Variants in PIEZO2 observed in about 807,000 individuals in gnomAD.
The protein encoded by PIEZO2 is piezo-type mechanosensitive ion channel component 2.
Under a neutral mutation model 337.3 loss-of-function variants are expected in PIEZO2, and 172 were observed. The observed-to-expected ratio is 0.51, with a 90% CI of 0.45 to 0.58. PIEZO2 has a LOEUF of 0.58. PIEZO2 is among the 20% of genes least tolerant of loss of function. PIEZO2 has a pLI of 0.00. For missense variants in PIEZO2, 3,028 were observed against 3,391.3 expected (o/e 0.89, Z 2.66); for synonymous variants, 1,251 against 1,228.5 (o/e 1.02, Z -0.38).
intron 2 of PIEZO2, among the ~76,000 whole-genome samples, chr18:10,997,746 A>C (rs192727171): frequency 2.0e-5 from 3 of 152,174 alleles, no homozygotes; most frequent in Non-Finnish European, 4.4e-5. Context: ...AAAAGATTGA[A>C]AAAAGTTAAT....
chr18:10,725,161 G>T, intron 36 of PIEZO2: 2 of 1,482,238 alleles, frequency 1.3e-6, no homozygotes, highest in Non-Finnish European at 9.4e-7. Flanking sequence ...GTACTGCGAG[G>T]CCTCTGGACA....
chr18:10,987,419 T>C (rs184416752), intron 2 of PIEZO2, among the ~76,000 whole-genome samples: 106 of 152,234 alleles, frequency 7.0e-4, no homozygotes, highest in African/African-American at 2.5e-3. Flanking sequence ...TGTATAGCCA[T>C]CTCATTTTTG....
rs1199958285 is a variant in PIEZO2 at position 11,143,633 on chromosome 18, ACACACACTCTCTCTCTCT to A, written c.64+4874_64+4891del. On this transcript the variant is annotated intron_variant, in intron 1 of 55. Transcript: ENST00000674853. The surrounding 1 kb of genome is among the most constrained non-coding windows in gnomAD (Gnocchi z 4.9). ...CACACACACACACACACACACACAC[ACACACACTCTCTCTCTCT>A]CTCTCTCTCTCTCTCTCTCTCACTC... Among the ~76,000 whole-genome samples, 483 of 68,948 alleles carry A rather than the reference ACACACACTCTCTCTCTCT, an allele frequency of 7.0e-3. 3 individuals are homozygous for A. The highest frequency in any genetic ancestry group is 0.033 in the African/African-American group (415 of 12,408). The allele number at this position is 68,948 out of a possible 152,430, so 45.2% of individuals were successfully genotyped here. A position where few individuals can be genotyped will look rare whatever the true frequency, so the allele number is the denominator to read the frequency against.
chr18:11,090,840 G>A (rs980013324), intron 1 of PIEZO2, among the ~76,000 whole-genome samples: 3 of 150,168 alleles, frequency 2.0e-5, no homozygotes, highest in East Asian at 1.9e-4. Context: ...GTGAACCCGG[G>A]GGGGCAAAGC....
chr18:10,881,132 G>C (rs2042408535), intron 4 of PIEZO2, among the ~76,000 whole-genome samples: 1 of 151,452 alleles, frequency 6.6e-6, no homozygotes, highest in East Asian at 1.9e-4. Flanking sequence ...GTGAAATTAG[G>C]TACCTTTTTT....
At chr18:10,758,341 A>C (rs1024909808) in intron 26 of PIEZO2, among the ~76,000 whole-genome samples, 2 of 143,558 alleles carry the variant, frequency 1.4e-5, no homozygotes, top group Non-Finnish European at 3.2e-5. Context: ...GACCACAGAC[A>C]CTCCAGGAGC....
chr18:10,691,934 T>C (rs1336349041), intron 47 of PIEZO2, among the ~76,000 whole-genome samples: 1 of 151,730 alleles, frequency 6.6e-6, no homozygotes, highest in Non-Finnish European at 1.5e-5. Context: ...CTGGATTTGG[T>C]TCCAGTTCTG....
At position 10,969,046 on chromosome 18, in the gene PIEZO2, G is replaced by A. The variant is rs1335340841; in HGVS notation, c.286+10489C>T. ...TTTTGTAAGTCTGAAAAATAACTAA[G>A]CTTATGTCATACAAATAATATTTTC... On this transcript the variant is annotated intron_variant, in intron 3 of 55. Coordinates refer to ENST00000674853, the MANE Select transcript of PIEZO2 (RefSeq NM_001378183.1). The surrounding 1 kb of genome is among the most constrained non-coding windows in gnomAD (Gnocchi z 4.5). 1.3e-5 allele frequency among the ~76,000 whole-genome samples: 2 copies of A among 152,056 alleles called. No homozygotes were observed. The highest frequency in any genetic ancestry group is 2.9e-5 in the Non-Finnish European group (2 of 68,008).
At chr18:11,045,174 G>A (rs772246298) in intron 2 of PIEZO2, among the ~76,000 whole-genome samples, 18 of 151,462 alleles carry the variant, frequency 1.2e-4, no homozygotes, top group Non-Finnish European at 2.4e-4. Context: ...GCAGGCGACT[G>A]TAGTCTCAGC....
chr18:10,803,904 C>G lies in PIEZO2; in HGVS notation c.1171G>C (p.Ala391Pro), dbSNP rs749474073. Residue 391 changes from alanine to proline, a missense_variant, in exon 9 of 56, where the codon GCA becomes CCA. Around this residue, in one of 5 missense-constraint regions of PIEZO2, gnomAD observed 542 missense variants for 605.6 expected, o/e 0.89. Transcript: ENST00000674853. ...CTCTCATCAGTGGGGTAATGGGTTG[C>G]GTACCACAGGCTCCGCCTCCTCCCC... is the stretch of plus-strand genomic sequence containing the variant. ...TAGRRRSLWYATHYPTDERKL... is the reference protein window; with the variant it reads ...TAGRRRSLWYPTHYPTDERKL... 11 of 1,537,290 alleles carry G rather than the reference C, an allele frequency of 7.2e-6. No homozygotes were observed. Among genetic ancestry groups the G allele is most frequent in the African/African-American group, 1.4e-5 (1 of 73,182 alleles).
At chr18:10,961,073 C>T (rs554066067) in intron 3 of PIEZO2, among the ~76,000 whole-genome samples, 301 of 151,382 alleles carry the variant, frequency 2.0e-3, no homozygotes, top group Non-Finnish European at 3.1e-3. Context: ...CCCAGCTACT[C>T]GGGAGGCTGA....
At chr18:10,804,247 T>G (rs1187385613) in intron 8 of PIEZO2, among the ~76,000 whole-genome samples, 1 of 152,272 alleles carries the variant, frequency 6.6e-6, no homozygotes. Flanking sequence ...CATTGTTAAA[T>G]ATCCACAGCT....
chr18:10,687,116 T>C (rs992756508), intron 49 of PIEZO2, among the ~76,000 whole-genome samples: 4 of 152,168 alleles, frequency 2.6e-5, no homozygotes, highest in Admixed American at 2.6e-4. Flanking sequence ...GTGTCACCAT[T>C]TTATTTTTCT....
At chr18:10,951,333 T>G (rs985338067) in intron 3 of PIEZO2, among the ~76,000 whole-genome samples, 1 of 152,230 alleles carries the variant, frequency 6.6e-6, no homozygotes, top group Non-Finnish European at 1.5e-5. Flanking sequence ...CGAATTGCAA[T>G]TCTTGTATCC....
chr18:10,845,324 T>C (rs1324558878), intron 7 of PIEZO2, among the ~76,000 whole-genome samples: 1 of 152,110 alleles, frequency 6.6e-6, no homozygotes, highest in Non-Finnish European at 1.5e-5. Context: ...AGACAGGATT[T>C]ATTTTTTTGT....
rs1386371075 is a variant in PIEZO2 at position 10,783,821 on chromosome 18, T to G, written c.2492+963A>C. On this transcript the variant is annotated intron_variant, in intron 17 of 55. Transcript: ENST00000674853. This position sits in a 1 kb window ranked among gnomAD's most constrained non-coding sequence, Gnocchi z 4.3. ...TTATAAAATGTTTCTCATCATTAAA[T>G]AAATGTTTTGGGTCTATCCATAACT... Among the ~76,000 whole-genome samples the G allele has an allele frequency of 1.3e-5, 2 of 152,212 alleles. No individual in the cohort carries two copies. Among genetic ancestry groups the G allele is most frequent in the African/African-American group, 4.8e-5 (2 of 41,458 alleles).
intron 3 of PIEZO2, among the ~76,000 whole-genome samples, chr18:10,972,397 C>T (rs1451120453): frequency 6.6e-6 from 1 of 151,910 alleles, no homozygotes; most frequent in Admixed American, 6.6e-5. Flanking sequence ...AGGTAGGTGC[C>T]GGAATGAGAA....
chr18:10,692,391 T>C (rs1370786949), intron 47 of PIEZO2, among the ~76,000 whole-genome samples: 2 of 152,196 alleles, frequency 1.3e-5, no homozygotes, highest in Non-Finnish European at 2.9e-5. Flanking sequence ...TACTTGAATG[T>C]TTTGATACAA....
intron 2 of PIEZO2, among the ~76,000 whole-genome samples, chr18:11,017,382 C>G (rs371352004): frequency 2.0e-5 from 3 of 151,862 alleles, no homozygotes; most frequent in Non-Finnish European, 4.4e-5. Context: ...TTTTAATACT[C>G]TAAATAACCA....
Sources: allele counts gnomAD v4.1 joint callset (sites outside exome capture counted in the v4.1 genomes callset), GRCh38; gene constraint gnomAD v4.1.1; regional missense constraint gnomAD v4.1.1; non-coding constraint Gnocchi (gnomAD v3.1); transcripts MANE v1.5; gene names NCBI Gene and HGNC (gene_info 2026-07-23, HGNC 2026-07-21).